IPO4: variants seen among roughly 807,000 people sequenced by gnomAD.
IPO4 encodes the protein importin 4, also known as importin-4.
A neutral mutation model predicts 133.5 loss-of-function variants in IPO4; 91 were observed. The observed-to-expected ratio is 0.68, with a 90% CI of 0.58 to 0.81. The LOEUF (loss-of-function observed/expected upper bound fraction) is 0.81. Ranked by LOEUF, IPO4 falls within the 30% of genes least tolerant of loss-of-function variation. IPO4 has a pLI of 0.00. For synonymous variants in IPO4, 607 were observed against 581.6 expected, an observed-to-expected ratio of 1.04 and a Z score of -0.63; for missense variants, 1,279 against 1,386.2, an observed-to-expected ratio of 0.92 and a Z score of 1.23.
Position 24,188,708 on chromosome 14 carries a change from C to A in IPO4, c.69+11G>T. On this transcript the variant is annotated intron_variant, in intron 1 of 29. Coordinates refer to ENST00000354464, the MANE Select transcript of IPO4 (RefSeq NM_024658.4). The stretch of plus-strand genomic sequence containing the variant: ...CCCGCTCGCCCTGGCCCGGTTACGC[C>A]TGCTCCGTACCCGACGGATGCGCTC... 1 of 1,588,630 alleles carries A rather than the reference C, an allele frequency of 6.3e-7. No homozygotes were observed. Among genetic ancestry groups the A allele is most frequent in the Non-Finnish European group, 8.6e-7 (1 of 1,165,222 alleles).
chr14:24,180,812 G>A, intron 28 of IPO4, 54 bp from the exon 29 acceptor site: 1 of 1,559,740 alleles, frequency 6.4e-7, no homozygotes. Context: ...CCAGGTCTAG[G>A]AGGGTGGTCA....
chr14:24,183,074 G>C lies in IPO4; in HGVS notation c.2323C>G (p.Leu775Val), dbSNP rs190244499. 3.7e-6 allele frequency: 6 copies of C among 1,613,870 alleles called. No homozygotes were observed. The African/African-American group carries it at 8.0e-5, about 22-fold the overall frequency. The change falls in exon 23 of 30, where the codon CTG becomes GTG. Residue 775 changes from leucine to valine, a missense_variant. Transcript: ENST00000354464. The stretch of plus-strand genomic sequence containing the variant: ...CCACAGCTGCGGAGCACCCCTGTCA[G>C]GGCCTCCAGCACGGCCATCACCACC... ...RQVVMAVLEA[L>V]TGVLRSCGTL...
chr14:24,181,455 G>T, intron 28 of IPO4, 58 bp downstream of exon 28: 1 of 1,407,162 alleles, frequency 7.1e-7, no homozygotes, highest in Non-Finnish European at 9.8e-7. Flanking sequence ...AGCAGACAGT[G>T]CCTATCACTG....
chr14:24,185,240 G>A lies in IPO4; in HGVS notation c.1351C>T (p.His451Tyr). Reference sequence around the variant, plus strand: ...CAGGCCTTGGCTAGGTGGTGTGTGTGTCCAAGAGGCACCGACTTCAAGTAG... The same window carrying A: ...CAGGCCTTGGCTAGGTGGTGTGTGTATCCAAGAGGCACCGACTTCAAGTAG... ...LAYLKSVPLG[H>Y]THHLAKACYA... Residue 451 changes from histidine to tyrosine, a missense_variant, in exon 14 of 30, where the codon CAC (histidine) becomes TAC (tyrosine). Physicochemically the swap from His to Tyr is moderately conservative, Grantham distance 83 (BLOSUM62 2). Around this residue, in one of 3 missense-constraint regions of IPO4, gnomAD observed 695 missense variants for 704.1 expected, o/e 0.99. Transcript: ENST00000354464. 1.9e-6 allele frequency: 3 copies of A among 1,614,150 alleles called. No homozygotes were observed. The highest frequency in any genetic ancestry group is 1.3e-5 in the African/African-American group (1 of 75,046).
In IPO4 at chr14:24,183,068, CT is replaced by C. The variant is rs1314909163; in HGVS notation, c.2328del (p.Val778CysfsTer10). 1 of 1,613,800 alleles carries C rather than the reference CT, an allele frequency of 6.2e-7. No individual in the cohort carries two copies. Among genetic ancestry groups the C allele is most frequent in the Non-Finnish European group, 8.5e-7 (1 of 1,179,980 alleles). On this transcript the variant is annotated frameshift_variant, in exon 23 of 30. Transcript: ENST00000354464. LOFTEE classifies it high-confidence loss of function. ...AGGGTCCCACAGCTGCGGAGCACCCCTGTCAGGGCCTCCAGCACGGCCATCA... is the reference window on the plus strand; with the variant it reads ...AGGGTCCCACAGCTGCGGAGCACCCCGTCAGGGCCTCCAGCACGGCCATCA... ...QVVMAVLEAL[T>X]GVLRSCGTLT... is the part of the protein sequence containing the mutation.
Position 24,180,371 on chromosome 14 carries a change from G to A in IPO4, c.*71C>T, listed in dbSNP as rs2138803731. On this transcript the variant is annotated 3_prime_UTR_variant, in exon 30 of 30. Transcript: ENST00000354464. ...TCAGAATCTTTGGTAAGGCAGAACT[G>A]AACTGGGCTGAGAGGTGGTCTTAAG... The A allele has an allele frequency of 6.4e-7, 1 of 1,553,088 alleles. No individual in the cohort carries two copies. The highest frequency in any genetic ancestry group is 1.4e-5 in the African/African-American group (1 of 73,960).
intron 6 of IPO4, 24 bp from the exon 7 acceptor site, chr14:24,187,174 A>T: frequency 6.2e-7 from 1 of 1,610,448 alleles, no homozygotes; most frequent in Non-Finnish European, 8.5e-7. Context: ...CACAGAGAGC[A>T]TGATGCAGCC....
At position 24,186,141 on chromosome 14, in the gene IPO4, G is replaced by C; in HGVS notation, c.1047C>G (p.Leu349=). The change falls in exon 11 of 30, where the codon CTC becomes CTG. Residue 349 remains leucine (L), a synonymous_variant. Coordinates refer to ENST00000354464, the MANE Select transcript of IPO4 (RefSeq NM_024658.4). ...MLALHLPPEK[L]CPQLMPMLEE... Reference sequence around the variant, plus strand: ...GAGCCACACTTACCAGCTGGGGACAGAGCTTCTCGGGGGGCAGGTGTAGTG... The same window carrying C: ...GAGCCACACTTACCAGCTGGGGACACAGCTTCTCGGGGGGCAGGTGTAGTG... 2 of 1,614,050 alleles carry C rather than the reference G, an allele frequency of 1.2e-6. No individual in the cohort carries two copies. Among genetic ancestry groups the C allele is most frequent in the Non-Finnish European group, 1.7e-6 (2 of 1,179,974 alleles).
chr14:24,180,294 G>C lies in IPO4; in HGVS notation c.*148C>G, dbSNP rs1387378533. 1 of 1,519,078 alleles carries C rather than the reference G, an allele frequency of 6.6e-7. No individual in the cohort carries two copies. The highest frequency in any genetic ancestry group is 1.2e-5 in the South Asian group (1 of 81,038). 94.1% of individuals were successfully genotyped at this position (1,519,078 alleles called of 1,614,324 possible). On this transcript the variant is annotated 3_prime_UTR_variant, in exon 30 of 30. Coordinates refer to ENST00000354464, the MANE Select transcript of IPO4 (RefSeq NM_024658.4). ...CTCATTTGTAACAGATCCAGCCTCA[G>C]GGACAGCCCTGTAAGGCAGCAAGTG... is the stretch of plus-strand genomic sequence containing the variant.
chr14:24,184,439 T>C, intron 16 of IPO4, 21 bp from the exon 17 acceptor site: 1 of 1,601,124 alleles, frequency 6.2e-7, no homozygotes, highest in South Asian at 1.1e-5. Flanking sequence ...AAGGGCTCCA[T>C]TAGCACCAGG....
In IPO4 at chr14:24,180,690, T is replaced by G; in HGVS notation, c.3114A>C (p.Pro1038=). ...SLILADNKIP[P]DTKAALLLLL... Reference sequence around the variant, plus strand: ...CCTGCCTATGACTCCTACCCTCACCTGGTGGGATCTTGTTGTCAGCCAGAA... The same window carrying G: ...CCTGCCTATGACTCCTACCCTCACCGGGTGGGATCTTGTTGTCAGCCAGAA... The change falls in exon 29 of 30, where the codon CCA becomes CCC. Residue 1038 remains proline (P), a splice_region_variant and synonymous_variant. Transcript: ENST00000354464. 6.2e-7 allele frequency: 1 copy of G among 1,614,092 alleles called. No individual in the cohort carries two copies. The highest frequency in any genetic ancestry group is 8.5e-7 in the Non-Finnish European group (1 of 1,179,986).
rs200728946 is a variant in IPO4, at chr14:24,180,547, G to A, written c.3141C>T (p.Leu1047=). Residue 1047 remains leucine, a synonymous_variant, in exon 30 of 30, where the codon CTC becomes CTT. Transcript: ENST00000354464. ...PPDTKAALLL[L]LTFLAKQHTD... ...TGTGCTGTTTGGCCAGGAACGTCAG[G>A]AGCAGCAACAGTGCGGCCTTGGTGT... 1.9e-6 allele frequency: 3 copies of A among 1,614,166 alleles called. No individual in the cohort carries two copies.
rs1254348522 is a variant in IPO4 at position 24,185,798 on chromosome 14, A to C, written c.1169+63T>G. On this transcript the variant is annotated intron_variant, in intron 12 of 29. Transcript: ENST00000354464. ...ATAAATAAGCTTGAACAACAAGCGTAAACCAGGACAGCCATGGTCCTCCCT... is the reference window on the plus strand; with the variant it reads ...ATAAATAAGCTTGAACAACAAGCGTCAACCAGGACAGCCATGGTCCTCCCT... The C allele has an allele frequency of 4.7e-6, 6 of 1,282,802 alleles. No individual in the cohort carries two copies. In the Admixed American group the frequency reaches 1.0e-4, roughly 22 times the overall value. 79.5% of individuals were successfully genotyped at this position (1,282,802 alleles called of 1,614,324 possible).
intron 6 of IPO4, 56 bp downstream of exon 6, chr14:24,187,344 G>A (rs2039238386): frequency 1.3e-6 from 2 of 1,584,054 alleles, no homozygotes; most frequent in Non-Finnish European, 1.7e-6. Context: ...TTTTACGGGT[G>A]AGGACATGAA....
chr14:24,187,125 T>C lies in IPO4; in HGVS notation c.614A>G (p.Lys205Arg). 6.2e-7 allele frequency: 1 copy of C among 1,613,940 alleles called. No individual in the cohort carries two copies. Among genetic ancestry groups the C allele is most frequent in the Non-Finnish European group, 8.5e-7 (1 of 1,179,862 alleles). Residue 205 changes from lysine (K) to arginine (R), a missense_variant, in exon 7 of 30, where the codon AAG becomes AGG. By Grantham distance (26) the Lys-to-Arg change is conservative. Transcript: ENST00000354464. ...CAGAGTCTGCATGGCCATGATCAGC[T>C]TGGGCACCAACATCCGAGCGAGAGG... ...DVPLARMLVP[K>R]LIMAMQTLIP... is the part of the protein sequence containing the mutation.
rs1421031665 is a variant in IPO4, at chr14:24,183,846, C to T, written c.1922G>A (p.Gly641Glu). The T allele has an allele frequency of 2.5e-6, 4 of 1,614,076 alleles. No homozygotes were observed. Among genetic ancestry groups the T allele is most frequent in the Middle Eastern group, 3.3e-4 (2 of 6,062 alleles). Residue 641 changes from glycine to glutamate, a missense_variant, in exon 19 of 30, where the codon GGG (glycine) becomes GAG (glutamate). By Grantham distance (98) the Gly-to-Glu change is moderately conservative. This residue lies in a region of IPO4 where 575 missense variants were observed against 653.4 expected (regional missense o/e 0.88). Coordinates refer to ENST00000354464, the MANE Select transcript of IPO4 (RefSeq NM_024658.4). ...SFLLFDDESD[G>E]EEEEELMDED... The stretch of plus-strand genomic sequence containing the variant: ...ATCCATGAGCTCCTCCTCTTCTTCC[C>T]CATCACTCTCATCGTCAAACAGAAG...
At chr14:24,187,249 T>G in intron 6 of IPO4, 99 bp from the exon 7 acceptor site, 1 of 1,489,268 alleles carries the variant, frequency 6.7e-7, no homozygotes, top group Non-Finnish European at 9.3e-7. Flanking sequence ...AGCCCAGGCA[T>G]AACAGCCAGG....
intron 12 of IPO4, 138 bp from the exon 13 acceptor site, chr14:24,185,705 T>C (rs1214743283): frequency 8.5e-6 from 8 of 938,202 alleles, no homozygotes; most frequent in South Asian, 7.2e-5. Context: ...CTGGTCCCTA[T>C]AGCTGGTAAG....
Position 24,186,116 on chromosome 14 carries a change from G to C in IPO4, c.1059+13C>G, listed in dbSNP as rs1332809930. The C allele has an allele frequency of 1.9e-6, 3 of 1,613,736 alleles. No homozygotes were observed. The highest frequency in any genetic ancestry group is 2.5e-6 in the Non-Finnish European group (3 of 1,179,894). The stretch of plus-strand genomic sequence containing the variant: ...TGGAGGTAGGGACACCAGAAGGACA[G>C]AGCCACACTTACCAGCTGGGGACAG... On this transcript the variant is annotated intron_variant, in intron 11 of 29. Coordinates refer to ENST00000354464, the MANE Select transcript of IPO4 (RefSeq NM_024658.4).
Sources: allele counts gnomAD v4.1 joint callset, GRCh38; gene constraint gnomAD v4.1.1; regional missense constraint gnomAD v4.1.1; transcripts MANE v1.5; gene names NCBI Gene and HGNC (gene_info 2026-07-23, HGNC 2026-07-21).